Variants in WWOX observed in about 807,000 individuals in gnomAD.
WWOX encodes WW domain-containing oxidoreductase.
A neutral mutation model predicts 46.2 loss-of-function variants in WWOX; 69 were observed. The ratio of observed to expected loss-of-function variants is 1.49; its 90% CI spans 1.23 to 1.82. WWOX has a LOEUF of 1.82. Among genes scored for constraint, WWOX ranks in the 40% most tolerant of loss-of-function variants. The probability of loss-of-function intolerance (pLI) is 0.00; values close to 1 mark genes in which losing one functional copy is unlikely to be tolerated. For synonymous variants in WWOX, 359 were observed against 202.6 expected, an observed-to-expected ratio of 1.77 and a Z score of -6.56; for missense variants, 919 against 542.6, an observed-to-expected ratio of 1.69 and a Z score of -6.89.
chr16:78,780,679 G>A (rs948795342), intron 8 of WWOX, among the ~76,000 whole-genome samples: 2 of 152,152 alleles, frequency 1.3e-5, no homozygotes, highest in South Asian at 2.1e-4. Context: ...CGCTGCATGG[G>A]GGAGAACAGT....
chr16:78,585,914 G>T (rs1010062224), intron 8 of WWOX, among the ~76,000 whole-genome samples: 4 of 151,872 alleles, frequency 2.6e-5, no homozygotes, highest in African/African-American at 4.8e-5. Context: ...CAGAGGTTTG[G>T]TGATCAGCGT....
At chr16:78,904,317 C>T (rs2044905438) in intron 8 of WWOX, among the ~76,000 whole-genome samples, 1 of 146,572 alleles carries the variant, frequency 6.8e-6, no homozygotes, top group African/African-American at 2.5e-5. Flanking sequence ...CGGCTCACTG[C>T]AACCTCTGCC....
intron 6 of WWOX, among the ~76,000 whole-genome samples, chr16:78,421,853 A>G (rs6564551): frequency 0.087 from 13,300 of 152,124 alleles, 1,648 homozygotes; most frequent in African/African-American, 0.28. Flanking sequence ...CCCCTGCTAC[A>G]TACATGCTTT....
At chr16:78,974,990 C>G (rs1049248841) in intron 8 of WWOX, among the ~76,000 whole-genome samples, 1 of 152,174 alleles carries the variant, frequency 6.6e-6, no homozygotes, top group Non-Finnish European at 1.5e-5. Context: ...GTGGAAGGGA[C>G]TCCCCAGCCC....
At chr16:78,968,704 CTCT>C (rs370519883) in intron 8 of WWOX, among the ~76,000 whole-genome samples, 151 of 152,122 alleles carry the variant, frequency 9.9e-4, no homozygotes, top group African/African-American at 2.8e-3. Context: ...TTTCTTCTTC[CTCT>C]TCTTCTTCTT....
At position 78,109,793 on chromosome 16, in the gene WWOX, G is replaced by C; in HGVS notation, c.188G>C (p.Trp63Ser). 1.2e-6 allele frequency: 2 copies of C among 1,614,112 alleles called. No individual in the cohort carries two copies. The highest frequency in any genetic ancestry group is 1.7e-6 in the Non-Finnish European group (2 of 1,180,032). ...KRVAGDLPYG[W>S]EQETDENGQV... ...TGTGTTTCAGATTTGCCATACGGATGGGAACAAGAAACTGATGAGAACGGA... is the reference window on the plus strand; with the variant it reads ...TGTGTTTCAGATTTGCCATACGGATCGGAACAAGAAACTGATGAGAACGGA... Residue 63 changes from tryptophan (W) to serine (S), a missense_variant, in exon 3 of 9, where the codon TGG becomes TCG. Physicochemically the swap from Trp to Ser is radical, Grantham distance 177. Coordinates refer to ENST00000566780, the MANE Select transcript of WWOX (RefSeq NM_016373.4).
chr16:78,631,004 C>A (rs908727991), intron 8 of WWOX, among the ~76,000 whole-genome samples: 1 of 152,112 alleles, frequency 6.6e-6, no homozygotes, highest in Non-Finnish European at 1.5e-5. Flanking sequence ...ATTCCTTAAA[C>A]AATCCAACAT....
intron 8 of WWOX, among the ~76,000 whole-genome samples, chr16:78,722,473 G>A (rs2048716654): frequency 6.6e-6 from 1 of 151,792 alleles, no homozygotes; most frequent in South Asian, 2.1e-4. Context: ...CTGTCACATA[G>A]GAAGCATCCA....
At position 79,068,532 on chromosome 16, in the gene WWOX, G is replaced by A. The variant is rs750915020; in HGVS notation, c.1057-143076G>A. ...TCAAGACAGAGACGTGGCTGGTCAC[G>A]GTGGCTCATGCCTGTAATCTCAACG... is the stretch of plus-strand genomic sequence containing the variant. On this transcript the variant is annotated intron_variant, in intron 8 of 8. Transcript: ENST00000566780. 5.3e-5 allele frequency among the ~76,000 whole-genome samples: 8 copies of A among 152,110 alleles called. No individual in the cohort carries two copies. The South Asian group carries it at 1.2e-3, about 24-fold the overall frequency.
At chr16:78,275,018 C>G (rs575280672) in intron 5 of WWOX, among the ~76,000 whole-genome samples, 20 of 152,266 alleles carry the variant, frequency 1.3e-4, no homozygotes, top group African/African-American at 4.8e-4. Flanking sequence ...TGAATCAGTT[C>G]AGTTCAGCAA....
At chr16:79,160,976 G>C (rs1389524929) in intron 8 of WWOX, among the ~76,000 whole-genome samples, 2 of 152,028 alleles carry the variant, frequency 1.3e-5, no homozygotes, top group African/African-American at 4.8e-5. Context: ...CACGTTTCCT[G>C]GCACCTTGTT....
intron 4 of WWOX, among the ~76,000 whole-genome samples, chr16:78,151,166 C>T (rs1023533012): frequency 1.1e-4 from 16 of 152,158 alleles, no homozygotes; most frequent in African/African-American, 3.6e-4. Context: ...CATGAGACCC[C>T]ATGCCTGGCC....
At chr16:78,523,040 C>A (rs879572337) in intron 8 of WWOX, among the ~76,000 whole-genome samples, 4 of 152,028 alleles carry the variant, frequency 2.6e-5, no homozygotes, top group African/African-American at 9.7e-5. Context: ...CCACTGCCCT[C>A]CAGTCTGGGT....
At chr16:78,575,525 C>G (rs1175295323) in intron 8 of WWOX, among the ~76,000 whole-genome samples, 1 of 152,012 alleles carries the variant, frequency 6.6e-6, no homozygotes, top group African/African-American at 2.4e-5. Flanking sequence ...TCACCCCATC[C>G]TAAGATCTTG....
At chr16:78,516,896 C>G (rs72801969) in intron 8 of WWOX, among the ~76,000 whole-genome samples, 1 of 152,108 alleles carries the variant, frequency 6.6e-6, no homozygotes, top group African/African-American at 2.4e-5. Flanking sequence ...AGAAAAAGAT[C>G]AAGATTAACA....
At chr16:79,204,518 G>A (rs531021124) in intron 8 of WWOX, 1 of 152,248 alleles carries the variant, frequency 6.6e-6, no homozygotes, top group South Asian at 2.1e-4. Context: ...TCCCATTTAA[G>A]GCTAGACATA....
At chr16:79,169,217 A>G (rs1041389825) in intron 8 of WWOX, among the ~76,000 whole-genome samples, 3 of 152,190 alleles carry the variant, frequency 2.0e-5, no homozygotes, top group Non-Finnish European at 2.9e-5. Flanking sequence ...AGACAGGGGC[A>G]TTTGGCTCCA....
chr16:78,218,212 A>G (rs902642710), intron 5 of WWOX, among the ~76,000 whole-genome samples: 3 of 152,012 alleles, frequency 2.0e-5, no homozygotes, highest in African/African-American at 7.2e-5. Context: ...GTGTCACCAT[A>G]CCTGGCTGAT....
intron 8 of WWOX, among the ~76,000 whole-genome samples, chr16:78,948,206 C>T (rs1010655814): frequency 6.6e-6 from 1 of 152,184 alleles, no homozygotes; most frequent in Non-Finnish European, 1.5e-5. Flanking sequence ...TGCAGACTTG[C>T]TCAAGACCTG....
Sources: allele counts gnomAD v4.1 joint callset (sites outside exome capture counted in the v4.1 genomes callset), GRCh38; gene constraint gnomAD v4.1.1; transcripts MANE v1.5; gene names NCBI Gene and HGNC (gene_info 2026-07-23, HGNC 2026-07-21).